The following ZNF385D variants were observed in gnomAD, a reference collection of about 807,000 sequenced individuals.
ZNF385D encodes the protein zinc finger protein 385D.
Under a neutral mutation model 35.8 loss-of-function variants are expected in ZNF385D, and 15 were observed. That is an observed-to-expected ratio of 0.42 (90% CI 0.28 to 0.64). The LOEUF (loss-of-function observed/expected upper bound fraction) is 0.64, where lower values mean the gene tolerates loss of function less well. Among genes scored for constraint, ZNF385D ranks in the 30% least tolerant of loss-of-function variants. The pLI, the probability that ZNF385D is intolerant of heterozygous loss-of-function variation, is 0.23. For missense variants in ZNF385D, 474 were observed against 494.6 expected (o/e 0.96, Z 0.39); for synonymous variants, 212 against 186.8 (o/e 1.13, Z -1.10).
intron 2 of ZNF385D, among the ~76,000 whole-genome samples, chr3:22,300,842 A>G (rs79091331): frequency 0.016 from 2,478 of 152,130 alleles, 51 homozygotes; most frequent in South Asian, 0.05. Context: ...TGATGGGAAT[A>G]TAAATTAGTA....
At chr3:21,839,654 GCT>G (rs1474791530) in intron 3 of ZNF385D, among the ~76,000 whole-genome samples, 4 of 152,052 alleles carry the variant, frequency 2.6e-5, no homozygotes, top group Non-Finnish European at 5.9e-5. Context: ...TTATGGGTCA[GCT>G]CTGACTCCAG....
chr3:21,939,209 T>C (rs1272522553), intron 3 of ZNF385D, among the ~76,000 whole-genome samples: 1 of 152,220 alleles, frequency 6.6e-6, no homozygotes, highest in East Asian at 1.9e-4. Flanking sequence ...ATTACCACAA[T>C]AATTAGCATT....
At chr3:22,058,969 G>A (rs1036182189) in intron 3 of ZNF385D, among the ~76,000 whole-genome samples, 8 of 151,966 alleles carry the variant, frequency 5.3e-5, no homozygotes, top group Non-Finnish European at 8.8e-5. Flanking sequence ...GAATATAATC[G>A]AATTCAGGGA....
At chr3:22,239,718 T>C (rs1699383014) in intron 2 of ZNF385D, among the ~76,000 whole-genome samples, 2 of 151,036 alleles carry the variant, frequency 1.3e-5, no homozygotes, top group African/African-American at 4.9e-5. Context: ...CTAGATTAAG[T>C]GCAAATTCAA....
intron 2 of ZNF385D, among the ~76,000 whole-genome samples, chr3:21,635,246 T>C (rs1212749688): frequency 6.6e-6 from 1 of 152,140 alleles, no homozygotes; most frequent in African/African-American, 2.4e-5. Flanking sequence ...ACAAATGTCA[T>C]TGGTTTATAA....
At chr3:22,209,370 T>G (rs1697368378) in intron 2 of ZNF385D, among the ~76,000 whole-genome samples, 1 of 151,692 alleles carries the variant, frequency 6.6e-6, no homozygotes, top group Non-Finnish European at 1.5e-5. Flanking sequence ...ACAATAGGAG[T>G]TGATTCAACT....
In ZNF385D at chr3:21,671,672, A is replaced by G. The variant is rs1456473091; in HGVS notation, c.23-6644T>C. ...TATGATAAAAACAAAACAAAACAACAATTTAAAAAATACACCTTACAGAAT... is the reference window on the plus strand; with the variant it reads ...TATGATAAAAACAAAACAAAACAACGATTTAAAAAATACACCTTACAGAAT... On this transcript the variant is annotated intron_variant, in intron 1 of 7. Transcript: ENST00000281523. Among the ~76,000 whole-genome samples, 3 of 152,292 alleles carry G rather than the reference A, an allele frequency of 2.0e-5. No individual in the cohort carries two copies. The East Asian group carries it at 5.8e-4, about 29-fold the overall frequency.
intron 3 of ZNF385D, among the ~76,000 whole-genome samples, chr3:22,096,192 G>A (rs1293684033): frequency 6.6e-6 from 1 of 151,804 alleles, no homozygotes; most frequent in African/African-American, 2.4e-5. Context: ...AGGAGACAAG[G>A]GTTGAAAAAC....
At chr3:21,562,580 A>AAATC (rs1199194516) in intron 3 of ZNF385D, among the ~76,000 whole-genome samples, 2 of 152,184 alleles carry the variant, frequency 1.3e-5, no homozygotes, top group Non-Finnish European at 2.9e-5. Context: ...ATTGACAGTG[A>AAATC]AATCATAGGC....
At chr3:22,087,662 T>G (rs1701116217) in intron 3 of ZNF385D, among the ~76,000 whole-genome samples, 1 of 152,190 alleles carries the variant, frequency 6.6e-6, no homozygotes, top group Admixed American at 6.5e-5. Context: ...TACCTACTTT[T>G]ACTTGAAACA....
chr3:21,602,542 T>C (rs1170409024), intron 2 of ZNF385D, among the ~76,000 whole-genome samples: 1 of 111,788 alleles, frequency 8.9e-6, no homozygotes, highest in Non-Finnish European at 1.8e-5. Flanking sequence ...TTTTTTTTTT[T>C]TGAGACGGAG....
intron 1 of ZNF385D, among the ~76,000 whole-genome samples, chr3:21,710,540 C>T (rs2068063304): frequency 6.6e-6 from 1 of 152,172 alleles, no homozygotes; most frequent in South Asian, 2.1e-4. Flanking sequence ...TATTGGTGAG[C>T]AGTGCCCAAT....
intron 3 of ZNF385D, among the ~76,000 whole-genome samples, chr3:21,846,458 A>G (rs1233875624): frequency 6.6e-6 from 1 of 152,070 alleles, no homozygotes; most frequent in East Asian, 1.9e-4. Flanking sequence ...GATCTTTTCT[A>G]TGGTCTTGGA....
At chr3:22,033,618 A>G (rs1040974401) in intron 3 of ZNF385D, among the ~76,000 whole-genome samples, 2 of 152,070 alleles carry the variant, frequency 1.3e-5, no homozygotes, top group African/African-American at 4.8e-5. Context: ...GCATTCTGAG[A>G]GCAAAATGCA....
intron 3 of ZNF385D, among the ~76,000 whole-genome samples, chr3:21,914,570 A>G (rs901277113): frequency 3.3e-5 from 5 of 152,060 alleles, no homozygotes; most frequent in African/African-American, 1.2e-4. Flanking sequence ...GTCGAGATAC[A>G]TAATTATTTA....
chr3:21,529,131 T>C (rs1195105784), intron 3 of ZNF385D, among the ~76,000 whole-genome samples: 1 of 152,136 alleles, frequency 6.6e-6, no homozygotes, highest in Non-Finnish European at 1.5e-5. Flanking sequence ...TCTTACTAAG[T>C]CAATATTTAC....
rs199987251 is a variant in ZNF385D, at chr3:22,154,510, C to A, written c.325+14307G>T. On this transcript the variant is annotated intron_variant, in intron 3 of 5. Coordinates refer to the ZNF385D transcript ENST00000494108. ...GGCAACTGAGGAATACTCTAGAGTG[C>A]AAATTAAGCTCTGTCTGATCTCTTT... 2.2e-4 allele frequency among the ~76,000 whole-genome samples: 33 copies of A among 152,268 alleles called. No homozygotes were observed. In the East Asian group the frequency reaches 4.6e-3, roughly 21 times the overall value.
At chr3:22,134,065 T>A (rs545267757) in intron 3 of ZNF385D, 1 of 152,268 alleles carries the variant, frequency 6.6e-6, no homozygotes, top group Non-Finnish European at 1.5e-5. Flanking sequence ...GATCAATTTA[T>A]AGACTTAAAT....
intron 3 of ZNF385D, among the ~76,000 whole-genome samples, chr3:22,098,427 G>A (rs1701749355): frequency 6.6e-6 from 1 of 152,064 alleles, no homozygotes; most frequent in Admixed American, 6.6e-5. Context: ...GCATTTGGGA[G>A]AGGGGAAGAT....
Sources: allele counts gnomAD v4.1 joint callset (sites outside exome capture counted in the v4.1 genomes callset), GRCh38; gene constraint gnomAD v4.1.1; transcripts MANE v1.5; gene names NCBI Gene and HGNC (gene_info 2026-07-23, HGNC 2026-07-21).